Variants in EFCAB11 observed in about 807,000 individuals in gnomAD.
The protein encoded by EFCAB11 is EF-hand calcium binding domain 11.
In EFCAB11, 14 loss-of-function variants were observed where a neutral mutation model predicts 23.0. That is an observed-to-expected ratio of 0.61 (90% CI 0.40 to 0.95). The LOEUF (loss-of-function observed/expected upper bound fraction) is 0.95. Ranked by LOEUF, EFCAB11 falls within the 40% of genes least tolerant of loss-of-function variation. The probability of loss-of-function intolerance (pLI) is 0.00; values close to 1 mark genes in which losing one functional copy is unlikely to be tolerated. For synonymous variants in EFCAB11, 65 were observed against 66.6 expected (o/e 0.98, Z 0.11); for missense variants, 198 against 195.8 (o/e 1.01, Z -0.07).
intron 5 of EFCAB11, among the ~76,000 whole-genome samples, chr14:89,818,343 A>G (rs1191379459): frequency 6.6e-6 from 1 of 152,176 alleles, no homozygotes; most frequent in Non-Finnish European, 1.5e-5. Flanking sequence ...CCTCCAGGGA[A>G]CAACATACTA....
At chr14:89,845,140 T>C (rs972818344) in intron 5 of EFCAB11, among the ~76,000 whole-genome samples, 1 of 152,208 alleles carries the variant, frequency 6.6e-6, no homozygotes, top group Admixed American at 6.5e-5. Flanking sequence ...TTAATAAACA[T>C]AAGCTAAAGA....
At chr14:89,816,888 C>T (rs1307494370) in intron 5 of EFCAB11, among the ~76,000 whole-genome samples, 1 of 152,012 alleles carries the variant, frequency 6.6e-6, no homozygotes, top group Non-Finnish European at 1.5e-5. Context: ...AATAACATTG[C>T]TTTTCAACAA....
chr14:89,941,883 T>C (rs1489766169), intron 3 of EFCAB11, among the ~76,000 whole-genome samples: 1 of 152,034 alleles, frequency 6.6e-6, no homozygotes, highest in Non-Finnish European at 1.5e-5. Context: ...GAGGATAATA[T>C]GGTTTGGCTC....
intron 5 of EFCAB11, among the ~76,000 whole-genome samples, chr14:89,872,811 A>C (rs1435594758): frequency 1.3e-5 from 2 of 151,992 alleles, no homozygotes; most frequent in Non-Finnish European, 2.9e-5. Flanking sequence ...AGACACACAC[A>C]CATGTGGAAG....
At chr14:89,953,760 G>A in intron 2 of EFCAB11, 146 bp downstream of exon 2, 1 of 597,956 alleles carries the variant, frequency 1.7e-6, no homozygotes, top group African/African-American at 1.9e-5. Context: ...GGTGTTAAGA[G>A]GAAGCTAAAA....
At chr14:89,933,974 C>T (rs146000592) in intron 3 of EFCAB11, among the ~76,000 whole-genome samples, 5 of 152,148 alleles carry the variant, frequency 3.3e-5, no homozygotes, top group South Asian at 2.1e-4. Flanking sequence ...CAGCCTGTGC[C>T]GAGGCTGTTG....
intron 5 of EFCAB11, among the ~76,000 whole-genome samples, chr14:89,873,059 T>A (rs1202569957): frequency 6.6e-6 from 1 of 152,214 alleles, no homozygotes; most frequent in Non-Finnish European, 1.5e-5. Context: ...GTATTAGTAT[T>A]AGTCTATGTC....
Position 89,867,536 on chromosome 14 carries a change from G to T in EFCAB11, c.410+64005C>A, listed in dbSNP as rs1888130922. On this transcript the variant is annotated intron_variant, in intron 5 of 5. Transcript: ENST00000316738. ...CTCTTACGGCTGCTCTGCCTCCAGG[G>T]TGATCCTGCAGCCCCAACGCAACTG... Among the ~76,000 whole-genome samples, 4 of 152,184 alleles carry T rather than the reference G, an allele frequency of 2.6e-5. No individual in the cohort carries two copies. In the South Asian group the frequency reaches 8.3e-4, roughly 31 times the overall value.
intron 5 of EFCAB11, among the ~76,000 whole-genome samples, chr14:89,862,128 C>T (rs532963643): frequency 1.8e-4 from 28 of 152,194 alleles, no homozygotes; most frequent in East Asian, 7.7e-4. Flanking sequence ...CATGGTATTG[C>T]GGGACCAGCA....
At chr14:89,935,812 C>A (rs1401642189) in intron 3 of EFCAB11, among the ~76,000 whole-genome samples, 1 of 152,138 alleles carries the variant, frequency 6.6e-6, no homozygotes, top group African/African-American at 2.4e-5. Context: ...AGTTTGAGAT[C>A]AGCCTGGCCA....
chr14:89,843,106 A>G (rs1464414709), intron 5 of EFCAB11, among the ~76,000 whole-genome samples: 9 of 152,208 alleles, frequency 5.9e-5, no homozygotes, highest in African/African-American at 2.2e-4. Context: ...CTATCTCTAC[A>G]CCAGCCCAAG....
rs1319980655 is a variant in EFCAB11, at chr14:89,884,319, C to T, written c.410+47222G>A. Reference sequence around the variant, plus strand: ...ATTATGGCAACATGAGCAGAAAAAGCATTTAATAAAAGTCAGTATTTATTC... The same window carrying T: ...ATTATGGCAACATGAGCAGAAAAAGTATTTAATAAAAGTCAGTATTTATTC... On this transcript the variant is annotated intron_variant, in intron 5 of 5. Transcript: ENST00000316738. Among the ~76,000 whole-genome samples the T allele has an allele frequency of 5.3e-5, 8 of 152,022 alleles. No homozygotes were observed. In the East Asian group the frequency reaches 7.7e-4, roughly 15 times the overall value.
intron 3 of EFCAB11, among the ~76,000 whole-genome samples, chr14:89,949,548 T>TAG (rs1407268544): frequency 4.6e-5 from 7 of 151,660 alleles, no homozygotes; most frequent in Non-Finnish European, 1.0e-4. Context: ...GTATTTTTAG[T>TAG]AGAGACGGTG....
intron 5 of EFCAB11, among the ~76,000 whole-genome samples, chr14:89,827,367 T>C (rs764069484): frequency 6.6e-6 from 1 of 152,234 alleles, no homozygotes; most frequent in Admixed American, 6.5e-5. Flanking sequence ...GGAACTGTTA[T>C]AGGAGTGAGC....
intron 5 of EFCAB11, among the ~76,000 whole-genome samples, chr14:89,878,204 A>G (rs1447998902): frequency 6.6e-6 from 1 of 152,218 alleles, no homozygotes; most frequent in Non-Finnish European, 1.5e-5. Flanking sequence ...TCCTTTCATT[A>G]GATGACCCCT....
At chr14:89,863,595 C>G (rs1462904875) in intron 5 of EFCAB11, among the ~76,000 whole-genome samples, 2 of 152,178 alleles carry the variant, frequency 1.3e-5, no homozygotes, top group African/African-American at 4.8e-5. Flanking sequence ...GCTTTTCTTC[C>G]CAAAGAGATC....
chr14:89,902,287 C>T (rs985251444), intron 5 of EFCAB11, among the ~76,000 whole-genome samples: 1 of 152,182 alleles, frequency 6.6e-6, no homozygotes, highest in Non-Finnish European at 1.5e-5. Context: ...TTTTAAGCAA[C>T]CCCTTCCCCA....
intron 5 of EFCAB11, among the ~76,000 whole-genome samples, chr14:89,831,986 AGGCAAGG>A (rs1287196592): frequency 4.6e-5 from 7 of 152,146 alleles, no homozygotes; most frequent in African/African-American, 1.7e-4. Context: ...GGGGAATGGC[AGGCAAGG>A]GGCAGGCATA....
chr14:89,822,897 T>G (rs1270000731), intron 5 of EFCAB11, among the ~76,000 whole-genome samples: 4 of 152,214 alleles, frequency 2.6e-5, no homozygotes, highest in African/African-American at 7.2e-5. Context: ...TCAAGCTGAT[T>G]TGCAAGTAAA....
Sources: allele counts gnomAD v4.1 joint callset (sites outside exome capture counted in the v4.1 genomes callset), GRCh38; gene constraint gnomAD v4.1.1; transcripts MANE v1.5; gene names NCBI Gene and HGNC (gene_info 2026-07-23, HGNC 2026-07-21).